Variants in PHF2 observed in about 807,000 individuals in gnomAD.
PHF2 encodes lysine-specific demethylase PHF2.
A neutral mutation model predicts 120.5 loss-of-function variants in PHF2; 27 were observed. The ratio of observed to expected loss-of-function variants is 0.22; its 90% CI spans 0.17 to 0.31. PHF2 has a LOEUF of 0.31. PHF2 is among the 10% of genes least tolerant of loss of function. The pLI is 1.00. For synonymous variants in PHF2, 568 were observed against 592.5 expected, an observed-to-expected ratio of 0.96 and a Z score of 0.60; for missense variants, 1,024 against 1,434.8, an observed-to-expected ratio of 0.71 and a Z score of 4.63.
chr9:93,664,128 C>T lies in PHF2; in HGVS notation c.1937+493C>T, dbSNP rs79015032. Among the ~76,000 whole-genome samples the T allele has an allele frequency of 8.1e-3, 1,238 of 152,306 alleles. 20 individuals carry two copies. The highest frequency in any genetic ancestry group is 0.028 in the African/African-American group (1,151 of 41,562). ...GGCTCTTGTGAGCTGGTGCTGAGGA[C>T]GTGCATGGGGGACAGGGTCCTGGCT... On this transcript the variant is annotated intron_variant, in intron 14 of 21. Coordinates refer to ENST00000359246, the MANE Select transcript of PHF2 (RefSeq NM_005392.4).
chr9:93,597,012 G>A (rs1399036704), intron 1 of PHF2, among the ~76,000 whole-genome samples: 1 of 143,468 alleles, frequency 7.0e-6, no homozygotes, highest in East Asian at 2.0e-4. Flanking sequence ...CTCACTGCCA[G>A]CTCTGCCTCC....
intron 1 of PHF2, among the ~76,000 whole-genome samples, chr9:93,593,233 C>T (rs558505152): frequency 6.6e-6 from 1 of 152,224 alleles, no homozygotes; most frequent in South Asian, 2.1e-4. Context: ...CCAAAGCTGA[C>T]CCCTGAGGGC....
chr9:93,667,325 G>A (rs574401475), intron 17 of PHF2, 85 bp downstream of exon 17: 414 of 1,488,920 alleles, frequency 2.8e-4, no homozygotes, highest in Non-Finnish European at 3.5e-4. Flanking sequence ...GGGAGCCTGC[G>A]AGGCAGACGC....
chr9:93,584,717 A>G (rs1564371162), intron 1 of PHF2, among the ~76,000 whole-genome samples: 2 of 152,118 alleles, frequency 1.3e-5, no homozygotes, highest in South Asian at 2.1e-4. Flanking sequence ...TGTTTTGGCT[A>G]TTTTGGGCTC....
At chr9:93,619,772 A>G (rs1279898882) in intron 1 of PHF2, among the ~76,000 whole-genome samples, 1 of 152,008 alleles carries the variant, frequency 6.6e-6, no homozygotes, top group African/African-American at 2.4e-5. Context: ...GCAGGAAGAA[A>G]CTCAGGGGGT....
intron 1 of PHF2, among the ~76,000 whole-genome samples, chr9:93,628,008 A>G (rs940279152): frequency 3.3e-4 from 50 of 152,322 alleles, no homozygotes; most frequent in African/African-American, 1.1e-3. Context: ...CCAGGATTGC[A>G]TCTTTTTCTT....
At chr9:93,596,682 C>T (rs1026742781) in intron 1 of PHF2, among the ~76,000 whole-genome samples, 23 of 151,880 alleles carry the variant, frequency 1.5e-4, no homozygotes, top group African/African-American at 5.3e-4. Flanking sequence ...TTGATGCATG[C>T]AGCTGAGCAT....
intron 1 of PHF2, among the ~76,000 whole-genome samples, chr9:93,607,931 G>C (rs560656338): frequency 1.0e-5 from 1 of 97,830 alleles, no homozygotes; most frequent in South Asian, 4.3e-4. Context: ...AGAGAGAGAG[G>C]GAAAGAGATG....
At chr9:93,647,950 T>C (rs10992824) in intron 4 of PHF2, among the ~76,000 whole-genome samples, 3,072 of 152,318 alleles carry the variant, frequency 0.02, 72 homozygotes, top group East Asian at 0.1. Flanking sequence ...TACATAGCTC[T>C]AGCAGACAAT....
At chr9:93,666,594 T>C (rs1250331585) in intron 16 of PHF2, among the ~76,000 whole-genome samples, 3 of 152,260 alleles carry the variant, frequency 2.0e-5, no homozygotes, top group Non-Finnish European at 4.4e-5. Context: ...GGCCTCTGTC[T>C]GACCCCAGCA....
intron 1 of PHF2, among the ~76,000 whole-genome samples, chr9:93,596,925 ATTTTTTTTT>A (rs1158735768): frequency 1.1e-5 from 1 of 88,522 alleles, no homozygotes; most frequent in Non-Finnish European, 2.2e-5. Flanking sequence ...CGCCCAGCTA[ATTTTTTTTT>A]TTTTTTTTTT....
Position 93,675,798 on chromosome 9 carries a change from G to C in PHF2, c.2832+9G>C. The C allele has an allele frequency of 6.2e-7, 1 of 1,601,982 alleles. No homozygotes were observed. The highest frequency in any genetic ancestry group is 8.5e-7 in the Non-Finnish European group (1 of 1,174,120). On this transcript the variant is annotated intron_variant, in intron 20 of 21. Transcript: ENST00000359246. ...CTAAGTTGTCCCAGCAGGTGAGGAG[G>C]GGCGAGAAGGACACACGGCAGCCAG...
chr9:93,661,982 CAA>C (rs1491138342), intron 12 of PHF2, among the ~76,000 whole-genome samples: 3 of 149,000 alleles, frequency 2.0e-5, no homozygotes, highest in East Asian at 2.1e-4. Flanking sequence ...GATGAACAAA[CAA>C]ATGGATGGGT....
At chr9:93,668,594 G>A (rs1826725001) in intron 17 of PHF2, among the ~76,000 whole-genome samples, 1 of 152,186 alleles carries the variant, frequency 6.6e-6, no homozygotes. Flanking sequence ...GGGCACCTGG[G>A]ACTTGCAGGG....
At position 93,598,877 on chromosome 9, in the gene PHF2, CGTAAGCCCCTCCCT is replaced by C. The variant is rs1192486598; in HGVS notation, c.98+22007_98+22020del. ...TCACCACATCCTGTAAGCCCCTCCC[CGTAAGCCCCTCCCT>C]TCCTGTTGGCCTCCACACCGTTATG... On this transcript the variant is annotated intron_variant, in intron 1 of 21. Transcript: ENST00000359246. 1.3e-4 allele frequency among the ~76,000 whole-genome samples: 20 copies of C among 152,196 alleles called. 1 individual carries two copies. The highest frequency in any genetic ancestry group is 1.6e-4 in the Non-Finnish European group (11 of 68,034).
At chr9:93,652,998 C>T (rs1465660087) in intron 5 of PHF2, among the ~76,000 whole-genome samples, 181 bp from the exon 6 acceptor site, 3 of 152,182 alleles carry the variant, frequency 2.0e-5, no homozygotes, top group South Asian at 2.1e-4. Context: ...CCACAGCCAG[C>T]GCCTGGGCTC....
chr9:93,613,549 A>C (rs1587681728), intron 1 of PHF2, among the ~76,000 whole-genome samples: 1 of 130,386 alleles, frequency 7.7e-6, no homozygotes, highest in Non-Finnish European at 1.6e-5. Flanking sequence ...GGTTCTTCTG[A>C]TTTTCTTTTT....
At chr9:93,659,626 T>TGGACCCCTGGGGATTG (rs1223922854) in intron 11 of PHF2, 26 bp downstream of exon 11, 2 of 1,602,516 alleles carry the variant, frequency 1.2e-6, no homozygotes, top group Non-Finnish European at 1.7e-6. Context: ...GGTGCTGGGC[T>TGGACCCCTGGGGATTG]GGACCCCTGG....
intron 1 of PHF2, among the ~76,000 whole-genome samples, chr9:93,624,699 G>GCGA (rs1371807104): frequency 4.1e-5 from 6 of 144,584 alleles, no homozygotes; most frequent in Non-Finnish European, 7.5e-5. Context: ...GGTGGCGATG[G>GCGA]TGGTAGAGGT....
Sources: allele counts gnomAD v4.1 joint callset (sites outside exome capture counted in the v4.1 genomes callset), GRCh38; gene constraint gnomAD v4.1.1; transcripts MANE v1.5; gene names NCBI Gene and HGNC (gene_info 2026-07-23, HGNC 2026-07-21).